The following ADCY9 variants were observed in gnomAD, a reference collection of about 807,000 sequenced individuals.
ADCY9 encodes the protein adenylate cyclase 9, also known as adenylate cyclase type 9.
A neutral mutation model predicts 101.5 loss-of-function variants in ADCY9; 50 were observed. The observed-to-expected ratio is 0.49, with a 90% CI of 0.39 to 0.62. ADCY9 has a LOEUF of 0.62. Ranked by LOEUF, ADCY9 falls within the 20% of genes least tolerant of loss-of-function variation. ADCY9 has a pLI of 0.00. For missense variants in ADCY9, 1,662 were observed against 1,800.4 expected, an observed-to-expected ratio of 0.92 and a Z score of 1.39; for synonymous variants, 905 against 769.3, an observed-to-expected ratio of 1.18 and a Z score of -2.92.
chr16:4,041,399 G>A (rs780790348), intron 2 of ADCY9, among the ~76,000 whole-genome samples: 22 of 151,798 alleles, frequency 1.4e-4, no homozygotes, highest in Admixed American at 3.3e-4. Context: ...AGCTACTTGG[G>A]AGCCTGAAGC....
In ADCY9 at chr16:3,966,588, C is replaced by T. The variant is rs1305936015; in HGVS notation, c.3249G>A (p.Arg1083=). 1.2e-6 allele frequency: 2 copies of T among 1,614,174 alleles called. No individual in the cohort carries two copies. Among genetic ancestry groups the T allele is most frequent in the Middle Eastern group, 1.6e-4 (1 of 6,062 alleles). ...AGTCCCCGATGAGCTCGTTGAGGAC[C>T]CGGTAGCACTCCTTGCCGCCCTCGT... ...ENYEGGKECY[R]VLNELIGDFD... The change falls in exon 11 of 11, where the codon CGG becomes CGA. Residue 1083 remains arginine, a synonymous_variant. Transcript: ENST00000294016.
intron 2 of ADCY9, among the ~76,000 whole-genome samples, chr16:4,037,055 C>T (rs1166803765): frequency 1.3e-5 from 2 of 152,146 alleles, no homozygotes; most frequent in Admixed American, 1.3e-4. Context: ...GTGGCTCATG[C>T]CTGTAACTCC....
chr16:4,030,878 G>A (rs2056550795), intron 2 of ADCY9, among the ~76,000 whole-genome samples: 1 of 152,100 alleles, frequency 6.6e-6, no homozygotes, highest in African/African-American at 2.4e-5. Context: ...TCTGGGTGCT[G>A]GTTTAGTGGA....
rs535501898 is a variant in ADCY9, at chr16:4,057,142, T to A, written c.1694-49584A>T. On this transcript the variant is annotated intron_variant, in intron 2 of 10. Coordinates refer to ENST00000294016, the MANE Select transcript of ADCY9 (RefSeq NM_001116.4). ...CTCATTTTAAAAAAATCTACAATTGTTTAGGTTTTTGTTTAAAGAGAAGCG... is the reference window on the plus strand; with the variant it reads ...CTCATTTTAAAAAAATCTACAATTGATTAGGTTTTTGTTTAAAGAGAAGCG... Among the ~76,000 whole-genome samples, 9 of 150,800 alleles carry A rather than the reference T, an allele frequency of 6.0e-5. No homozygotes were observed. The East Asian group carries it at 1.8e-3, about 30-fold the overall frequency.
At chr16:4,012,086 C>T (rs2056408062) in intron 2 of ADCY9, among the ~76,000 whole-genome samples, 1 of 152,202 alleles carries the variant, frequency 6.6e-6, no homozygotes, top group Admixed American at 6.5e-5. Flanking sequence ...TTGTTTCTGA[C>T]TTGAGTTTTT....
In ADCY9 at chr16:4,048,088, C is replaced by T. The variant is rs114588930; in HGVS notation, c.1694-40530G>A. The stretch of plus-strand genomic sequence containing the variant: ...AAAACAGGTCCTAGTCTGGGAAGGG[C>T]GCCAAAGAGAGATCTTTTCACTGGT... On this transcript the variant is annotated intron_variant, in intron 2 of 10. Transcript: ENST00000294016. 7.0e-3 allele frequency among the ~76,000 whole-genome samples: 1,053 copies of T among 149,664 alleles called. 16 individuals carry two copies. Among genetic ancestry groups the T allele is most frequent in the African/African-American group, 0.025 (1,020 of 40,542 alleles).
At chr16:4,020,129 TG>T (rs2056465102) in intron 2 of ADCY9, among the ~76,000 whole-genome samples, 1 of 152,144 alleles carries the variant, frequency 6.6e-6, no homozygotes, top group Non-Finnish European at 1.5e-5. Context: ...CCCGTGATGA[TG>T]GGTACATCCT....
chr16:4,003,822 G>A (rs1597158447), intron 3 of ADCY9, among the ~76,000 whole-genome samples: 2 of 152,016 alleles, frequency 1.3e-5, no homozygotes, highest in Admixed American at 6.6e-5. Flanking sequence ...CCTCCGCGAC[G>A]CTGACAGTGG....
At chr16:3,983,165 TA>T in intron 7 of ADCY9, 66 bp downstream of exon 7, 1 of 1,429,860 alleles carries the variant, frequency 7.0e-7, no homozygotes, top group South Asian at 1.3e-5. Context: ...CGCTCAGCCA[TA>T]AGCCATGGAG....
intron 6 of ADCY9, among the ~76,000 whole-genome samples, chr16:3,984,679 G>A (rs988534509): frequency 2.0e-5 from 3 of 152,234 alleles, no homozygotes; most frequent in Non-Finnish European, 4.4e-5. Context: ...AAAGGCAGAG[G>A]CTGTGGTTGG....
chr16:4,040,557 T>A (rs746575575), intron 2 of ADCY9, among the ~76,000 whole-genome samples: 1 of 151,850 alleles, frequency 6.6e-6, no homozygotes. Context: ...CCTGGGTTCA[T>A]GCGATCCTCC....
chr16:4,061,825 A>G (rs114242927), intron 2 of ADCY9, among the ~76,000 whole-genome samples: 211 of 152,370 alleles, frequency 1.4e-3, no homozygotes, highest in African/African-American at 4.9e-3. Flanking sequence ...CAGCAGATTT[A>G]TAAATAGTCT....
chr16:3,974,737 A>G, intron 9 of ADCY9, 27 bp from the exon 10 acceptor site: 1 of 1,597,538 alleles, frequency 6.3e-7, no homozygotes, highest in Non-Finnish European at 8.6e-7. Flanking sequence ...GAAAAATATT[A>G]TCATAAAGAG....
At chr16:4,001,145 C>G (rs926763862) in intron 3 of ADCY9, among the ~76,000 whole-genome samples, 1 of 152,152 alleles carries the variant, frequency 6.6e-6, no homozygotes, top group African/African-American at 2.4e-5. Flanking sequence ...GGCGCGATAC[C>G]GTTAACTAAG....
rs369126593 is a variant in ADCY9, at chr16:3,977,439, T to G, written c.2828+43A>C. 2.0e-6 allele frequency: 3 copies of G among 1,534,382 alleles called. No homozygotes were observed. The East Asian group carries it at 7.4e-5, about 38-fold the overall frequency. ...AGGCCCTACGCAACCTCGGGCAAGG[T>G]GGCCACGCACCCTGGTGCCCGCAAG... On this transcript the variant is annotated intron_variant, in intron 9 of 10. Coordinates refer to ENST00000294016, the MANE Select transcript of ADCY9 (RefSeq NM_001116.4).
intron 5 of ADCY9, 93 bp from the exon 6 acceptor site, chr16:3,989,189 T>C: frequency 1.1e-6 from 1 of 913,480 alleles, no homozygotes; most frequent in Non-Finnish European, 1.8e-6. Flanking sequence ...ACGCTGCTCA[T>C]TAGGTATATT....
chr16:4,009,315 A>C (rs1002599703), intron 2 of ADCY9, among the ~76,000 whole-genome samples: 5 of 152,180 alleles, frequency 3.3e-5, no homozygotes, highest in Admixed American at 6.5e-5. Context: ...TCTGTTGCCC[A>C]GGCTGGAGCG....
intron 2 of ADCY9, among the ~76,000 whole-genome samples, chr16:4,038,374 G>A (rs753750588): frequency 6.6e-6 from 1 of 151,968 alleles, no homozygotes; most frequent in Non-Finnish European, 1.5e-5. Flanking sequence ...CCTAATACGA[G>A]AGGGCTTAGG....
chr16:4,072,994 G>GAAAAAAAAAA (rs59730727), intron 2 of ADCY9, among the ~76,000 whole-genome samples: 2 of 129,674 alleles, frequency 1.5e-5, no homozygotes, highest in African/African-American at 6.0e-5. Context: ...TATCCTAAAA[G>GAAAAAAAAAA]AAAAAAAAAA....
Sources: allele counts gnomAD v4.1 joint callset (sites outside exome capture counted in the v4.1 genomes callset), GRCh38; gene constraint gnomAD v4.1.1; transcripts MANE v1.5; gene names NCBI Gene and HGNC (gene_info 2026-07-23, HGNC 2026-07-21).